Variants in KDM4C observed in about 807,000 individuals in gnomAD.
KDM4C encodes lysine-specific demethylase 4C.
A neutral mutation model predicts 129.3 loss-of-function variants in KDM4C; 81 were observed. The observed-to-expected ratio is 0.63, with a 90% CI of 0.52 to 0.75. KDM4C has a LOEUF of 0.75. Among genes scored for constraint, KDM4C ranks in the 30% least tolerant of loss-of-function variants. The pLI is 0.00. For synonymous variants in KDM4C, 573 were observed against 456.1 expected (o/e 1.26, Z -3.26); for missense variants, 1,457 against 1,304.0 (o/e 1.12, Z -1.81).
chr9:6,901,820 G>T (rs1453245814), intron 8 of KDM4C, among the ~76,000 whole-genome samples: 1 of 152,168 alleles, frequency 6.6e-6, no homozygotes, highest in African/African-American at 2.4e-5. Flanking sequence ...ATTATTTGGT[G>T]GGCCCTGTGC....
At chr9:7,000,495 T>A (rs190828240) in intron 12 of KDM4C, among the ~76,000 whole-genome samples, 2 of 152,218 alleles carry the variant, frequency 1.3e-5, no homozygotes, top group Non-Finnish European at 2.9e-5. Context: ...GTTATTTTTT[T>A]AAAATTAACT....
At chr9:6,947,976 A>G (rs1827280047) in intron 8 of KDM4C, 1 of 151,964 alleles carries the variant, frequency 6.6e-6, no homozygotes, top group Non-Finnish European at 1.5e-5. Context: ...CTTATTCAAA[A>G]CAGATATACT....
chr9:7,041,716 T>G (rs940226876), intron 15 of KDM4C, among the ~76,000 whole-genome samples: 11 of 151,974 alleles, frequency 7.2e-5, no homozygotes, highest in African/African-American at 2.4e-4. Flanking sequence ...GGCATGTGCT[T>G]TATTGCAGCT....
At chr9:6,773,788 T>C (rs1370332480) in intron 1 of KDM4C, among the ~76,000 whole-genome samples, 1 of 143,742 alleles carries the variant, frequency 7.0e-6, no homozygotes, top group Non-Finnish European at 1.5e-5. Context: ...AAAAAAAAAG[T>C]ATAGGTATTG....
Position 7,127,881 on chromosome 9 carries a change from T to C in KDM4C, c.2611-185T>C. The stretch of plus-strand genomic sequence containing the variant: ...TGTTAGTATAAACAAGTAGTGTTTA[T>C]ACTATTTGTCTTCTTGCAACTTTTC... On this transcript the variant is annotated intron_variant, in intron 18 of 21. Transcript: ENST00000381309. 4 of 528,868 alleles carry C rather than the reference T, an allele frequency of 7.6e-6. No homozygotes were observed. In the South Asian group the frequency reaches 8.7e-5, roughly 11 times the overall value. 32.8% of individuals were successfully genotyped at this position (528,868 alleles called of 1,614,324 possible).
At chr9:6,957,258 T>C (rs1589305533) in intron 8 of KDM4C, among the ~76,000 whole-genome samples, 2 of 152,240 alleles carry the variant, frequency 1.3e-5, no homozygotes, top group Non-Finnish European at 2.9e-5. Flanking sequence ...TTGTCACTTT[T>C]GATACTTATT....
intron 5 of KDM4C, among the ~76,000 whole-genome samples, chr9:6,859,718 T>G (rs1840577423): frequency 6.6e-6 from 1 of 151,724 alleles, no homozygotes; most frequent in African/African-American, 2.4e-5. Flanking sequence ...AAAAAAAATT[T>G]AGCCGGGCGT....
intron 1 of KDM4C, among the ~76,000 whole-genome samples, chr9:6,760,128 C>T (rs1819123476): frequency 6.6e-6 from 1 of 151,894 alleles, no homozygotes; most frequent in African/African-American, 2.4e-5. Flanking sequence ...CCCTTCTGTC[C>T]CTAGGCAACC....
At chr9:6,862,607 A>G (rs1221176487) in intron 5 of KDM4C, among the ~76,000 whole-genome samples, 1 of 152,190 alleles carries the variant, frequency 6.6e-6, no homozygotes, top group African/African-American at 2.4e-5. Context: ...GTTCGAGACC[A>G]GCCTGGCCAA....
intron 17 of KDM4C, among the ~76,000 whole-genome samples, chr9:7,101,726 G>A (rs1837112375): frequency 6.6e-6 from 1 of 152,152 alleles, no homozygotes; most frequent in South Asian, 2.1e-4. Context: ...TGGAGGTTGG[G>A]AGATACCAAT....
At chr9:7,171,888 G>A (rs1231528569) in intron 21 of KDM4C, among the ~76,000 whole-genome samples, 1 of 151,914 alleles carries the variant, frequency 6.6e-6, no homozygotes, top group Non-Finnish European at 1.5e-5. Context: ...CACTCTGAAT[G>A]CAGCCTGCTA....
intron 1 of KDM4C, among the ~76,000 whole-genome samples, chr9:6,767,986 A>G (rs371328075): frequency 1.5e-4 from 23 of 152,252 alleles, no homozygotes; most frequent in African/African-American, 5.5e-4. Flanking sequence ...CAAATAGGCA[A>G]TACAAGGTAT....
chr9:7,000,947 C>T (rs933395593), intron 12 of KDM4C, among the ~76,000 whole-genome samples: 8 of 151,878 alleles, frequency 5.3e-5, no homozygotes, highest in Non-Finnish European at 8.8e-5. Flanking sequence ...TTTGTTTTGC[C>T]GCTGGCCAAT....
At chr9:6,751,087 A>G (rs1171709861) in intron 1 of KDM4C, among the ~76,000 whole-genome samples, 2 of 152,212 alleles carry the variant, frequency 1.3e-5, no homozygotes, top group African/African-American at 4.8e-5. Flanking sequence ...CAATGTATCT[A>G]ATGTCTAGCT....
In KDM4C at chr9:6,792,433, G is replaced by A. The variant is rs151225023; in HGVS notation, c.-17-539G>A. 4.5e-4 allele frequency among the ~76,000 whole-genome samples: 68 copies of A among 152,166 alleles called. 3 individuals carry two copies. The highest frequency in any genetic ancestry group is 3.3e-3 in the Admixed American group (50 of 15,284). ...GACCAGAGTCTCACCCTGTCACCCA[G>A]GCTGGAGTGCAGTGGCGAGATCTTG... On this transcript the variant is annotated intron_variant, in intron 1 of 21. Transcript: ENST00000381309.
intron 7 of KDM4C, among the ~76,000 whole-genome samples, chr9:6,891,522 G>A (rs1331992007): frequency 3.9e-5 from 6 of 152,098 alleles, no homozygotes; most frequent in Admixed American, 1.3e-4. Context: ...AGGGGCTTGG[G>A]GATGACAGCT....
chr9:6,743,413 AGT>A (rs1381259107), intron 1 of KDM4C, among the ~76,000 whole-genome samples: 1 of 152,164 alleles, frequency 6.6e-6, no homozygotes, highest in African/African-American at 2.4e-5. Context: ...GATTATCAAG[AGT>A]GTGCATCTTT....
Position 7,035,385 on chromosome 9 carries a change from G to T in KDM4C, c.2260-11477G>T, listed in dbSNP as rs150829619. ...TTGAGTTCCTTGTGTATTCCAGATA[G>T]TAATCCTCTTTTTCAGATGAGTAGT... is the stretch of plus-strand genomic sequence containing the variant. On this transcript the variant is annotated intron_variant, in intron 15 of 21. Coordinates refer to ENST00000381309, the MANE Select transcript of KDM4C (RefSeq NM_015061.6). 1.7e-3 allele frequency among the ~76,000 whole-genome samples: 246 copies of T among 144,540 alleles called. 3 individuals are homozygous for T. Among genetic ancestry groups the T allele is most frequent in the African/African-American group, 6.0e-3 (239 of 39,972 alleles). 94.8% of individuals were successfully genotyped at this position (144,540 alleles called of 152,430 possible).
rs527776913 is a variant in KDM4C, at chr9:7,040,369, CTGTG to C, written c.2260-6460_2260-6457del. Among the ~76,000 whole-genome samples, 701 of 100,352 alleles carry C rather than the reference CTGTG, an allele frequency of 7.0e-3. 6 individuals are homozygous for C. Among genetic ancestry groups the C allele is most frequent in the South Asian group, 0.016 (44 of 2,810 alleles). 65.8% of individuals were successfully genotyped at this position (100,352 alleles called of 152,430 possible). A position where few individuals can be genotyped will look rare whatever the true frequency, so the allele number is the denominator to read the frequency against. On this transcript the variant is annotated intron_variant, in intron 15 of 21. Coordinates refer to ENST00000381309, the MANE Select transcript of KDM4C (RefSeq NM_015061.6). ...TCTTTCCCTCTCTCTCTACCCCACTCTGTGTGTGTGTGTGTGTGTGTGTGTGTGT... is the reference window on the plus strand; with the variant it reads ...TCTTTCCCTCTCTCTCTACCCCACTCTGTGTGTGTGTGTGTGTGTGTGTGT...
Sources: gnomAD v4.1 joint callset for allele counts (sites outside exome capture counted in the v4.1 genomes callset) on GRCh38, gnomAD v4.1.1 for gene constraint, MANE v1.5 for transcripts, NCBI Gene and HGNC (gene_info 2026-07-23, HGNC 2026-07-21) for gene names.